C12orf42: variants seen among roughly 807,000 people sequenced by gnomAD.
C12orf42 encodes the protein chromosome 12 open reading frame 42, also known as uncharacterized protein C12orf42.
In C12orf42, 25 loss-of-function variants were observed where a neutral mutation model predicts 21.6. The ratio of observed to expected loss-of-function variants is 1.16; its 90% CI spans 0.84 to 1.62. The LOEUF (loss-of-function observed/expected upper bound fraction) is 1.62, where lower values mean the gene tolerates loss of function less well. Ranked by LOEUF, C12orf42 falls within the 40% of genes most tolerant of loss-of-function variation. The probability of loss-of-function intolerance (pLI) is 0.00; values close to 1 mark genes in which losing one functional copy is unlikely to be tolerated. For missense variants in C12orf42, 483 were observed against 459.3 expected (o/e 1.05, Z -0.47); for synonymous variants, 174 against 175.0 (o/e 0.99, Z 0.05).
the C12orf42 span, among the ~76,000 whole-genome samples, chr12:103,083,325 T>C: frequency 6.6e-6 from 1 of 151,996 alleles, no homozygotes; most frequent in Non-Finnish European, 1.5e-5. Flanking sequence ...GATCGCGCCA[T>C]TGCACTCCAG....
chr12:103,300,166 T>C (rs548824631), downstream of C12orf42, among the ~76,000 whole-genome samples: 1 of 152,368 alleles, frequency 6.6e-6, no homozygotes, highest in African/African-American at 2.4e-5. Flanking sequence ...AAAGTACTGA[T>C]AAGTTTTTTT....
chr12:103,479,792 C>A (rs762275994), intron 1 of C12orf42, among the ~76,000 whole-genome samples: 1 of 152,042 alleles, frequency 6.6e-6, no homozygotes, highest in African/African-American at 2.4e-5. Context: ...TAAAAAACAA[C>A]GCAGTCATAA....
At chr12:103,232,436 CA>C in the C12orf42 span, among the ~76,000 whole-genome samples, 1 of 150,856 alleles carries the variant, frequency 6.6e-6, no homozygotes, top group Non-Finnish European at 1.5e-5. Context: ...TGGCTGGGTG[CA>C]GTCTCTCACA....
chr12:103,460,979 T>C (rs1952661060), intron 2 of C12orf42, among the ~76,000 whole-genome samples: 1 of 152,164 alleles, frequency 6.6e-6, no homozygotes, highest in African/African-American at 2.4e-5. Flanking sequence ...CTATAGTCTG[T>C]TGTAGATTTG....
At chr12:103,220,520 A>G in the C12orf42 span, among the ~76,000 whole-genome samples, 59 of 152,278 alleles carry the variant, frequency 3.9e-4, no homozygotes, top group African/African-American at 1.3e-3. Flanking sequence ...CTTTTTATAC[A>G]TTTTTTAAAG....
At chr12:103,098,209 T>C in the C12orf42 span, among the ~76,000 whole-genome samples, 1 of 152,348 alleles carries the variant, frequency 6.6e-6, no homozygotes, top group Non-Finnish European at 1.5e-5. Flanking sequence ...TGTACACTTG[T>C]TGAGCACATA....
At chr12:103,473,918 T>A (rs1261916611) in intron 2 of C12orf42, among the ~76,000 whole-genome samples, 1 of 152,208 alleles carries the variant, frequency 6.6e-6, no homozygotes, top group African/African-American at 2.4e-5. Context: ...TTTAAATGAA[T>A]AAAAAGGATA....
At chr12:103,498,012 G>A (rs1456523963), upstream of C12orf42, among the ~76,000 whole-genome samples, 3 of 151,902 alleles carry the variant, frequency 2.0e-5, no homozygotes, top group East Asian at 1.9e-4. Context: ...TCCAGCCTGG[G>A]TGACAGAGCG....
At chr12:103,562,933 A>G in the C12orf42 span, among the ~76,000 whole-genome samples, 10 of 152,324 alleles carry the variant, frequency 6.6e-5, no homozygotes, top group East Asian at 3.9e-4. Context: ...CATTTTAACC[A>G]TTGCCTCTGA....
the C12orf42 span, among the ~76,000 whole-genome samples, chr12:103,077,159 TC>T: frequency 1.3e-5 from 2 of 152,224 alleles, no homozygotes; most frequent in African/African-American, 4.8e-5. Flanking sequence ...TTTGCCCATG[TC>T]CTCTTTCCTT....
chr12:103,211,762 G>A, the C12orf42 span, among the ~76,000 whole-genome samples: 1 of 152,152 alleles, frequency 6.6e-6, no homozygotes, highest in Non-Finnish European at 1.5e-5. Flanking sequence ...GTGGGAAACA[G>A]TAAATGCTTA....
the C12orf42 span, among the ~76,000 whole-genome samples, chr12:103,092,412 G>A: frequency 6.6e-6 from 1 of 152,164 alleles, no homozygotes; most frequent in African/African-American, 2.4e-5. Context: ...CTACCAGAGA[G>A]TAACCTTGGA....
chr12:103,162,162 C>A, the C12orf42 span, among the ~76,000 whole-genome samples: 1 of 152,190 alleles, frequency 6.6e-6, no homozygotes, highest in African/African-American at 2.4e-5. Flanking sequence ...CAGCATGCGC[C>A]TTTGTCCTAT....
At chr12:103,535,674 T>C in the C12orf42 span, among the ~76,000 whole-genome samples, 1 of 152,174 alleles carries the variant, frequency 6.6e-6, no homozygotes, top group African/African-American at 2.4e-5. Flanking sequence ...AGCTGGAGGA[T>C]GAGATGCTAT....
chr12:103,114,770 C>G, the C12orf42 span, among the ~76,000 whole-genome samples: 1 of 152,224 alleles, frequency 6.6e-6, no homozygotes, highest in Non-Finnish European at 1.5e-5. Context: ...GCCTGGACCT[C>G]ATTTTCAAAT....
chr12:103,195,481 C>T, the C12orf42 span, among the ~76,000 whole-genome samples: 1 of 152,016 alleles, frequency 6.6e-6, no homozygotes, highest in Admixed American at 6.6e-5. Flanking sequence ...TTAATAATGG[C>T]CATCCTGACT....
chr12:103,526,468 T>G, the C12orf42 span, among the ~76,000 whole-genome samples: 1 of 152,304 alleles, frequency 6.6e-6, no homozygotes, highest in East Asian at 1.9e-4. Flanking sequence ...TCAGCATATG[T>G]GTCGTTATTT....
At chr12:103,118,023 T>G in the C12orf42 span, among the ~76,000 whole-genome samples, 3 of 152,248 alleles carry the variant, frequency 2.0e-5, no homozygotes, top group South Asian at 2.1e-4. Context: ...CATTAGATAC[T>G]TAAGTGTCCT....
intron 3 of C12orf42, among the ~76,000 whole-genome samples, chr12:103,381,797 G>C (rs1275443038): frequency 6.6e-6 from 1 of 152,076 alleles, no homozygotes; most frequent in Non-Finnish European, 1.5e-5. Flanking sequence ...GGTGCTTTTA[G>C]TCCCAGCTAC....
Sources: gnomAD v4.1 joint callset for allele counts (sites outside exome capture counted in the v4.1 genomes callset) on GRCh38, gnomAD v4.1.1 for gene constraint, MANE v1.5 for transcripts, NCBI Gene and HGNC (gene_info 2026-07-23, HGNC 2026-07-21) for gene names.